DHRS7C: variants seen among roughly 807,000 people sequenced by gnomAD.
DHRS7C encodes dehydrogenase/reductase 7C.
Under a neutral mutation model 29.6 loss-of-function variants are expected in DHRS7C, and 28 were observed. The ratio of observed to expected loss-of-function variants is 0.95; its 90% CI spans 0.70 to 1.30. The LOEUF (loss-of-function observed/expected upper bound fraction) is 1.30, where lower values mean the gene tolerates loss of function less well. Among genes scored for constraint, DHRS7C ranks in the 50% most tolerant of loss-of-function variants. The pLI is 0.00. For synonymous variants in DHRS7C, 158 were observed against 160.2 expected (o/e 0.99, Z 0.10); for missense variants, 403 against 393.3 (o/e 1.02, Z -0.21).
At chr17:9,776,963 C>T (rs879336792) in intron 4 of DHRS7C, among the ~76,000 whole-genome samples, 1 of 152,082 alleles carries the variant, frequency 6.6e-6, no homozygotes, top group East Asian at 1.9e-4. Flanking sequence ...CTGTGAGCTT[C>T]GCGGACAGAA....
intron 3 of DHRS7C, among the ~76,000 whole-genome samples, chr17:9,779,230 G>GTTC (rs1382202184): frequency 6.6e-6 from 1 of 152,190 alleles, no homozygotes; most frequent in Non-Finnish European, 1.5e-5. Flanking sequence ...TTGATGGTGA[G>GTTC]AAATCTGCAC....
chr17:9,780,947 G>C (rs373122734), intron 2 of DHRS7C, among the ~76,000 whole-genome samples: 2 of 152,026 alleles, frequency 1.3e-5, no homozygotes, highest in African/African-American at 4.8e-5. Flanking sequence ...ACTTACCTCC[G>C]AATTACTTTG....
intron 1 of DHRS7C, among the ~76,000 whole-genome samples, chr17:9,784,542 G>A (rs1195057989): frequency 2.0e-5 from 3 of 152,024 alleles, no homozygotes; most frequent in African/African-American, 7.2e-5. Context: ...ACACCCATAA[G>A]TAAAGGACAA....
chr17:9,773,471 A>C (rs1194586041), intron 4 of DHRS7C, among the ~76,000 whole-genome samples: 1 of 152,150 alleles, frequency 6.6e-6, no homozygotes, highest in Non-Finnish European at 1.5e-5. Flanking sequence ...GGTTGGGGAA[A>C]AAAGGATCAT....
In DHRS7C at chr17:9,785,705, C is replaced by A. The variant is rs749727149; in HGVS notation, c.155-4111G>T. ...GCCTCTGAAAGGCACATGAAAGTGC[C>A]CACGAGAGAAAGATTCAGACCCAGT... On this transcript the variant is annotated intron_variant, in intron 1 of 5. Coordinates refer to ENST00000571134, the MANE Select transcript of DHRS7C (RefSeq NM_001105571.3). Among the ~76,000 whole-genome samples the A allele has an allele frequency of 3.3e-5, 5 of 152,236 alleles. No homozygotes were observed. In the South Asian group the frequency reaches 1.0e-3, roughly 32 times the overall value.
rs150855962 is a variant in DHRS7C at position 9,786,605 on chromosome 17, C to A, written c.154+4526G>T. 7.4e-4 allele frequency among the ~76,000 whole-genome samples: 112 copies of A among 152,044 alleles called. 2 individuals carry two copies. The highest frequency in any genetic ancestry group is 2.6e-3 in the African/African-American group (106 of 41,528). ...TGTGTTCTTTTTACTTAAAAAAATT[C>A]TTTTAAATATACATGGCTTTTATAA... is the stretch of plus-strand genomic sequence containing the variant. On this transcript the variant is annotated intron_variant, in intron 1 of 5. Coordinates refer to ENST00000571134, the MANE Select transcript of DHRS7C (RefSeq NM_001105571.3).
intron 2 of DHRS7C, among the ~76,000 whole-genome samples, chr17:9,780,682 G>A (rs926259325): frequency 2.6e-5 from 4 of 152,114 alleles, no homozygotes; most frequent in African/African-American, 4.8e-5. Flanking sequence ...TTGAAGAGAG[G>A]GTTCCGTAGT....
Position 9,774,065 on chromosome 17 carries a change from T to A in DHRS7C, c.572-1143A>T, listed in dbSNP as rs1361820132. 6.6e-6 allele frequency among the ~76,000 whole-genome samples: 1 copy of A among 152,202 alleles called. No homozygotes were observed. The highest frequency in any genetic ancestry group is 2.4e-5 in the African/African-American group (1 of 41,450). ...CGGATACATTGTGCGGTATGTGAAT[T>A]ACACAGCCAATACAAGTGTTACCAA... On this transcript the variant is annotated intron_variant, in intron 4 of 5. Transcript: ENST00000571134. This position sits in a 1 kb window ranked among gnomAD's most constrained non-coding sequence, Gnocchi z 5.0.
intron 1 of DHRS7C, among the ~76,000 whole-genome samples, chr17:9,783,966 T>TAA (rs58087255): frequency 3.3e-4 from 49 of 149,288 alleles, no homozygotes; most frequent in Non-Finnish European, 5.8e-4. Context: ...TTTTTTTTTT[T>TAA]AAAATGGTAT....
At chr17:9,777,657 G>A (rs1015096410) in intron 3 of DHRS7C, among the ~76,000 whole-genome samples, 3 of 151,864 alleles carry the variant, frequency 2.0e-5, no homozygotes, top group Non-Finnish European at 4.4e-5. Flanking sequence ...TAGTGAGTAC[G>A]GTACCCAGTA....
At chr17:9,785,748 C>A (rs1360224685) in intron 1 of DHRS7C, among the ~76,000 whole-genome samples, 4 of 152,126 alleles carry the variant, frequency 2.6e-5, no homozygotes, top group Non-Finnish European at 4.4e-5. Flanking sequence ...ATGTGCCAGG[C>A]CCATGGACCT....
At chr17:9,786,586 C>T (rs893803784) in intron 1 of DHRS7C, among the ~76,000 whole-genome samples, 1 of 148,930 alleles carries the variant, frequency 6.7e-6, no homozygotes, top group Non-Finnish European at 1.5e-5. Context: ...GTTTTGTGTT[C>T]TTTTTACTTA....
chr17:9,774,516 T>C lies in DHRS7C; in HGVS notation c.572-1594A>G, dbSNP rs909247594. On this transcript the variant is annotated intron_variant, in intron 4 of 5. Coordinates refer to ENST00000571134, the MANE Select transcript of DHRS7C (RefSeq NM_001105571.3). The surrounding 1 kb of genome is among the most constrained non-coding windows in gnomAD (Gnocchi z 5.0). ...CCAGGCTGGTCTCAAACTCCTGACC[T>C]CAAGTGATCTACCCGCCTTGGCCTT... is the stretch of plus-strand genomic sequence containing the variant. 2.0e-5 allele frequency among the ~76,000 whole-genome samples: 3 copies of C among 152,112 alleles called. No homozygotes were observed. The highest frequency in any genetic ancestry group is 4.4e-5 in the Non-Finnish European group (3 of 68,026).
At position 9,791,256 on chromosome 17, in the gene DHRS7C, G is replaced by C; in HGVS notation, c.29C>G (p.Pro10Arg). 6.2e-7 allele frequency: 1 copy of C among 1,613,732 alleles called. No individual in the cohort carries two copies. The highest frequency in any genetic ancestry group is 8.5e-7 in the Non-Finnish European group (1 of 1,179,806). Reference protein sequence around the residue: MGVMAMLMLPLLLLGISGLL... With the variant: MGVMAMLMLRLLLLGISGLL... ...GCCGCTGATTCCCAGCAGCAGCAGG[G>C]GGAGCATCAGCATGGCCATGACTCC... The change falls in exon 1 of 6, where the codon CCC becomes CGC. Residue 10 changes from proline (P) to arginine (R), a missense_variant. By Grantham distance (103) the Pro-to-Arg change is moderately radical. Coordinates refer to ENST00000571134, the MANE Select transcript of DHRS7C (RefSeq NM_001105571.3).
At position 9,774,129 on chromosome 17, in the gene DHRS7C, C is replaced by T. The variant is rs1597923060; in HGVS notation, c.572-1207G>A. Among the ~76,000 whole-genome samples, 1 of 152,222 alleles carries T rather than the reference C, an allele frequency of 6.6e-6. No individual in the cohort carries two copies. Among genetic ancestry groups the T allele is most frequent in the African/African-American group, 2.4e-5 (1 of 41,460 alleles). Reference sequence around the variant, plus strand: ...AGCTTGTTTTTCATTCATCCACCATCTCCTTGATTCCTTCAGTCATTCAAC... The same window carrying T: ...AGCTTGTTTTTCATTCATCCACCATTTCCTTGATTCCTTCAGTCATTCAAC... On this transcript the variant is annotated intron_variant, in intron 4 of 5. Transcript: ENST00000571134. The surrounding 1 kb of genome is among the most constrained non-coding windows in gnomAD (Gnocchi z 5.0).
chr17:9,781,086 A>G (rs2066390425), intron 2 of DHRS7C, among the ~76,000 whole-genome samples: 1 of 152,132 alleles, frequency 6.6e-6, no homozygotes, highest in Non-Finnish European at 1.5e-5. Flanking sequence ...ATAAGTGTTC[A>G]CTTCCTGGGA....
chr17:9,772,304 C>G (rs2280491), intron 5 of DHRS7C, among the ~76,000 whole-genome samples: 23,234 of 152,172 alleles, frequency 0.15, 1,985 homozygotes, highest in East Asian at 0.36. Flanking sequence ...ATACCTATCT[C>G]TTAGGGAGGC....
chr17:9,787,070 C>A (rs1446995161), intron 1 of DHRS7C, among the ~76,000 whole-genome samples: 7 of 152,144 alleles, frequency 4.6e-5, no homozygotes, highest in Non-Finnish European at 1.5e-5. Context: ...CTCAGCCTCC[C>A]AAGTAGCTGG....
rs1250273792 is a variant in DHRS7C at position 9,775,269 on chromosome 17, G to A, written c.571+1924C>T. ...AGATTCCTAAGTGGACTGGGGAAGAGAGGAAAAGGCAGGATGTGGCAAAGA... is the reference window on the plus strand; with the variant it reads ...AGATTCCTAAGTGGACTGGGGAAGAAAGGAAAAGGCAGGATGTGGCAAAGA... On this transcript the variant is annotated intron_variant, in intron 4 of 5. Transcript: ENST00000571134. This position sits in a 1 kb window ranked among gnomAD's most constrained non-coding sequence, Gnocchi z 4.2. 6.6e-6 allele frequency among the ~76,000 whole-genome samples: 1 copy of A among 152,246 alleles called. No homozygotes were observed. Among genetic ancestry groups the A allele is most frequent in the African/African-American group, 2.4e-5 (1 of 41,454 alleles).
Sources: gnomAD v4.1 joint callset for allele counts (sites outside exome capture counted in the v4.1 genomes callset) on GRCh38, gnomAD v4.1.1 for gene constraint, Gnocchi (gnomAD v3.1) non-coding constraint, MANE v1.5 for transcripts, NCBI Gene and HGNC (gene_info 2026-07-23, HGNC 2026-07-21) for gene names.